Variants in LRP1B observed in about 807,000 individuals in gnomAD.
LRP1B encodes LDL receptor related protein 1B.
A neutral mutation model predicts 556.6 loss-of-function variants in LRP1B; 217 were observed. That is an observed-to-expected ratio of 0.39 (90% confidence interval 0.35 to 0.44). The LOEUF (loss-of-function observed/expected upper bound fraction) is 0.44. Ranked by LOEUF, LRP1B falls within the 20% of genes least tolerant of loss-of-function variation. The pLI is 1.00. For missense variants in LRP1B, 5,053 were observed against 5,620.8 expected (o/e 0.90, Z 3.23); for synonymous variants, 2,047 against 1,865.8 (o/e 1.10, Z -2.50).
intron 3 of LRP1B, among the ~76,000 whole-genome samples, chr2:141,313,861 T>A (rs2105454100): frequency 6.7e-6 from 1 of 149,186 alleles, no homozygotes; most frequent in Admixed American, 6.7e-5. Flanking sequence ...TCCACAGATT[T>A]CACTCTTTTT....
intron 41 of LRP1B, among the ~76,000 whole-genome samples, chr2:140,685,988 A>G (rs1349099795): frequency 6.6e-6 from 1 of 152,164 alleles, no homozygotes; most frequent in Admixed American, 6.5e-5. Flanking sequence ...CTGCAGCGCA[A>G]AAAAGACTGA....
At chr2:142,056,102 G>A (rs552349127) in intron 1 of LRP1B, among the ~76,000 whole-genome samples, 21 of 152,118 alleles carry the variant, frequency 1.4e-4, no homozygotes, top group Middle Eastern at 3.2e-3. Context: ...AGTGAGCCGA[G>A]ACTGCGCCAC....
intron 31 of LRP1B, among the ~76,000 whole-genome samples, chr2:140,830,814 CA>C (rs1178263924): frequency 1.3e-5 from 2 of 151,924 alleles, no homozygotes; most frequent in Non-Finnish European, 2.9e-5. Context: ...TTAGGAAAAC[CA>C]AAAGTCCCCA....
chr2:141,916,512 C>A (rs1356191340), intron 1 of LRP1B, among the ~76,000 whole-genome samples: 1 of 151,294 alleles, frequency 6.6e-6, no homozygotes, highest in Non-Finnish European at 1.5e-5. Context: ...CTGCAGGCAC[C>A]CGCCACCATG....
intron 3 of LRP1B, among the ~76,000 whole-genome samples, chr2:141,432,170 G>T (rs1384296926): frequency 1.3e-5 from 2 of 152,012 alleles, no homozygotes; most frequent in Admixed American, 1.3e-4. Context: ...TAAGGAAAGG[G>T]TATTGAAATT....
intron 2 of LRP1B, among the ~76,000 whole-genome samples, chr2:141,624,536 G>A (rs1688633069): frequency 1.3e-5 from 2 of 151,916 alleles, no homozygotes; most frequent in African/African-American, 4.8e-5. Context: ...AATACAGCTG[G>A]CAAATACATT....
intron 3 of LRP1B, among the ~76,000 whole-genome samples, chr2:141,418,469 C>G (rs537477332): frequency 2.4e-3 from 300 of 124,606 alleles, no homozygotes; most frequent in South Asian, 4.9e-3. Context: ...CCCAGTTACT[C>G]AACATCATTT....
intron 2 of LRP1B, among the ~76,000 whole-genome samples, chr2:141,542,489 A>C (rs1296811144): frequency 2.0e-5 from 3 of 152,210 alleles, no homozygotes; most frequent in African/African-American, 7.2e-5. Flanking sequence ...AATTAATACC[A>C]TGACTTCCTG....
intron 32 of LRP1B, among the ~76,000 whole-genome samples, chr2:140,789,693 G>C (rs376321866): frequency 0.039 from 5,510 of 141,784 alleles, 367 homozygotes; most frequent in African/African-American, 0.13. Flanking sequence ...TGCAGTGGCG[G>C]GATCTCGGCT....
At chr2:141,675,360 A>G (rs1016659856) in intron 2 of LRP1B, among the ~76,000 whole-genome samples, 1 of 151,822 alleles carries the variant, frequency 6.6e-6, no homozygotes, top group Admixed American at 6.6e-5. Context: ...CTCACATACT[A>G]TTGCTAAGAT....
intron 2 of LRP1B, among the ~76,000 whole-genome samples, chr2:141,723,285 T>A (rs1163246391): frequency 1.3e-5 from 2 of 150,912 alleles, no homozygotes; most frequent in East Asian, 3.9e-4. Flanking sequence ...TGAACTCCCA[T>A]TAATATTATT....
At chr2:141,801,580 C>T (rs1324619374) in intron 2 of LRP1B, among the ~76,000 whole-genome samples, 1 of 152,168 alleles carries the variant, frequency 6.6e-6, no homozygotes, top group Non-Finnish European at 1.5e-5. Flanking sequence ...TGGAGCAACC[C>T]ATCATCTATC....
At chr2:141,631,279 A>G (rs1688898160) in intron 2 of LRP1B, among the ~76,000 whole-genome samples, 1 of 152,094 alleles carries the variant, frequency 6.6e-6, no homozygotes, top group Admixed American at 6.5e-5. Context: ...ATTACCTCCC[A>G]CTGGGTCTCT....
intron 18 of LRP1B, among the ~76,000 whole-genome samples, chr2:140,967,752 G>A (rs1202753525): frequency 6.6e-6 from 1 of 151,992 alleles, no homozygotes; most frequent in Non-Finnish European, 1.5e-5. Context: ...AGCATGAAGT[G>A]CTGTTGAATT....
intron 1 of LRP1B, among the ~76,000 whole-genome samples, chr2:142,081,932 T>C (rs967167982): frequency 1.3e-5 from 2 of 152,196 alleles, no homozygotes; most frequent in Non-Finnish European, 2.9e-5. Context: ...TGGAAAAGGT[T>C]AAGTAACTTG....
rs745394221 is a variant in LRP1B at position 140,239,461 on chromosome 2, G to A, written c.13396C>T (p.Leu4466Phe). ...LITTLVIGLVLCKRKRRTKTI... is the reference protein window; with the variant it reads ...LITTLVIGLVFCKRKRRTKTI... ...TCTTACCTTCTTTTTCTTTTACAAA[G>A]CACTAAACCAATTACTAAGGTGGTT... The change falls in exon 88 of 91, where the codon CTT becomes TTT. Residue 4466 changes from leucine (L) to phenylalanine (F), a missense_variant. Leu to Phe is a conservative substitution (Grantham distance 22). Around this residue, in one of 5 missense-constraint regions of LRP1B, gnomAD observed 551 missense variants for 592.0 expected, o/e 0.93. Coordinates refer to ENST00000389484, the MANE Select transcript of LRP1B (RefSeq NM_018557.3). 10 of 1,600,616 alleles carry A rather than the reference G, an allele frequency of 6.2e-6. No homozygotes were observed. The highest frequency in any genetic ancestry group is 1.7e-5 in the Admixed American group (1 of 59,124).
intron 7 of LRP1B, among the ~76,000 whole-genome samples, chr2:141,084,275 C>A (rs1310592506): frequency 6.6e-6 from 1 of 152,100 alleles, no homozygotes; most frequent in Non-Finnish European, 1.5e-5. Flanking sequence ...AATGATTGTA[C>A]CTTTTGATAC....
At chr2:141,645,385 G>T (rs900699872) in intron 2 of LRP1B, among the ~76,000 whole-genome samples, 3 of 150,974 alleles carry the variant, frequency 2.0e-5, no homozygotes, top group African/African-American at 7.3e-5. Context: ...CAGCCTCATG[G>T]TGACTTAATT....
intron 2 of LRP1B, among the ~76,000 whole-genome samples, chr2:141,677,735 C>T (rs1008593827): frequency 6.6e-6 from 1 of 152,128 alleles, no homozygotes; most frequent in Non-Finnish European, 1.5e-5. Context: ...GTGATCCGCC[C>T]GCCTTGGCCT....
Sources: allele counts gnomAD v4.1 joint callset (sites outside exome capture counted in the v4.1 genomes callset), GRCh38; gene constraint gnomAD v4.1.1; regional missense constraint gnomAD v4.1.1; transcripts MANE v1.5; gene names NCBI Gene and HGNC (gene_info 2026-07-23, HGNC 2026-07-21).